The following EXOC6B variants were observed in gnomAD, a reference collection of about 807,000 sequenced individuals.
The protein encoded by EXOC6B is exocyst complex component 6B.
EXOC6B carries 54 observed loss-of-function variants against 113.5 expected under a neutral mutation model. The ratio of observed to expected loss-of-function variants is 0.48; its 90% CI spans 0.38 to 0.60. The LOEUF is 0.60. Among genes scored for constraint, EXOC6B ranks in the 20% least tolerant of loss-of-function variants. The pLI is 0.00. For synonymous variants in EXOC6B, 357 were observed against 339.0 expected (o/e 1.05, Z -0.58); for missense variants, 797 against 977.5 (o/e 0.82, Z 2.46).
intron 20 of EXOC6B, among the ~76,000 whole-genome samples, chr2:72,271,672 C>T (rs1684492765): frequency 6.6e-6 from 1 of 152,112 alleles, no homozygotes; most frequent in Non-Finnish European, 1.5e-5. Flanking sequence ...CTGTTTACCT[C>T]TAGAGAAAAA....
At chr2:72,778,695 C>A (rs1435050807) in intron 1 of EXOC6B, among the ~76,000 whole-genome samples, 4 of 152,088 alleles carry the variant, frequency 2.6e-5, no homozygotes, top group Non-Finnish European at 5.9e-5. Flanking sequence ...GACTACAAAT[C>A]ATGACTAAGA....
chr2:72,706,688 T>C (rs1173008340), intron 6 of EXOC6B, among the ~76,000 whole-genome samples: 1 of 152,206 alleles, frequency 6.6e-6, no homozygotes, highest in Non-Finnish European at 1.5e-5. Context: ...TATCATTACA[T>C]TACTTTTAGC....
intron 8 of EXOC6B, among the ~76,000 whole-genome samples, chr2:72,543,471 C>A (rs934084112): frequency 6.6e-6 from 1 of 150,428 alleles, no homozygotes; most frequent in Admixed American, 6.6e-5. Flanking sequence ...AGAAGTTTAA[C>A]CTTCCCAAAG....
At position 72,433,709 on chromosome 2, in the gene EXOC6B, T is replaced by A. The variant is rs1054694621; in HGVS notation, c.1980+31451A>T. ...CACTCATGATGTGGCTCTCTGTTTGTCTATTATTGGTGTATAGGAATGCTT... is the reference window on the plus strand; with the variant it reads ...CACTCATGATGTGGCTCTCTGTTTGACTATTATTGGTGTATAGGAATGCTT... On this transcript the variant is annotated intron_variant, in intron 18 of 21. Transcript: ENST00000272427. Among the ~76,000 whole-genome samples, 3 of 152,208 alleles carry A rather than the reference T, an allele frequency of 2.0e-5. No homozygotes were observed. In the East Asian group the frequency reaches 5.8e-4, roughly 29 times the overall value.
intron 18 of EXOC6B, among the ~76,000 whole-genome samples, chr2:72,438,333 G>A (rs1696000607): frequency 6.6e-6 from 1 of 152,010 alleles, no homozygotes; most frequent in South Asian, 2.1e-4. Context: ...AAAGTTGGCT[G>A]GGCATAGTGG....
intron 20 of EXOC6B, among the ~76,000 whole-genome samples, chr2:72,299,182 T>C (rs184933747): frequency 3.0e-4 from 45 of 151,888 alleles, no homozygotes; most frequent in African/African-American, 9.6e-4. Context: ...TTTGTTCATT[T>C]CTTTTCACTA....
At chr2:72,260,342 T>A (rs1253323148) in intron 20 of EXOC6B, among the ~76,000 whole-genome samples, 1 of 152,136 alleles carries the variant, frequency 6.6e-6, no homozygotes, top group African/African-American at 2.4e-5. Flanking sequence ...AGAAAATACG[T>A]AACCTACTTC....
intron 1 of EXOC6B, among the ~76,000 whole-genome samples, chr2:72,756,078 C>T (rs941666224): frequency 7.0e-4 from 107 of 151,942 alleles, no homozygotes; most frequent in African/African-American, 2.4e-3. Context: ...TTAAGGGGGA[C>T]GTTTTTAACT....
At chr2:72,661,984 T>C (rs1057108453) in intron 6 of EXOC6B, among the ~76,000 whole-genome samples, 8 of 150,518 alleles carry the variant, frequency 5.3e-5, no homozygotes, top group Admixed American at 2.0e-4. Context: ...TTATTAATTA[T>C]ATGGTGTTGG....
chr2:72,771,799 A>T (rs1683417199), intron 1 of EXOC6B, among the ~76,000 whole-genome samples: 3 of 152,188 alleles, frequency 2.0e-5, no homozygotes. Flanking sequence ...ACATGGTGAG[A>T]CCATATCTCT....
chr2:72,351,348 C>T (rs1332656370), intron 19 of EXOC6B, among the ~76,000 whole-genome samples: 3 of 152,184 alleles, frequency 2.0e-5, no homozygotes, highest in African/African-American at 7.2e-5. Flanking sequence ...ACAATAGCGA[C>T]GTAAGAAAAA....
intron 20 of EXOC6B, among the ~76,000 whole-genome samples, chr2:72,192,735 A>T (rs13339845): frequency 3.3e-5 from 5 of 152,088 alleles, no homozygotes; most frequent in African/African-American, 1.2e-4. Context: ...CTTTACATGC[A>T]TGTTTTCGCT....
chr2:72,341,386 G>A (rs529257593), intron 19 of EXOC6B, among the ~76,000 whole-genome samples: 13 of 152,148 alleles, frequency 8.5e-5, no homozygotes, highest in Non-Finnish European at 1.8e-4. Context: ...CAATAGACTC[G>A]TGTTAGCCTT....
At chr2:72,781,149 T>G (rs1684012448) in intron 1 of EXOC6B, among the ~76,000 whole-genome samples, 2 of 152,278 alleles carry the variant, frequency 1.3e-5, no homozygotes, top group Middle Eastern at 3.4e-3. Flanking sequence ...AAATCTAAAT[T>G]TCTGAGCTCA....
chr2:72,344,923 G>T lies in EXOC6B; in HGVS notation c.2123-9903C>A, dbSNP rs545054269. ...AATCCTGGGAAAACAAAAAAGAATG[G>T]TCGCCCATCTCCATCTGAACCTCTG... On this transcript the variant is annotated intron_variant, in intron 19 of 21. Transcript: ENST00000272427. Among the ~76,000 whole-genome samples the T allele has an allele frequency of 1.1e-4, 16 of 152,052 alleles. No homozygotes were observed. The East Asian group carries it at 3.1e-3, about 30-fold the overall frequency.
At position 72,495,513 on chromosome 2, in the gene EXOC6B, G is replaced by T. The variant is rs1329645310; in HGVS notation, c.1470C>A (p.Phe490Leu). ...TGTAAACTTTTGGCACAAATTCAGA[G>T]AAAGGAAACTTTTTTGGAAATGGTT... Reference protein sequence around the residue: ...EKQPFPKKFPFSEFVPKVYNQ... With the variant: ...EKQPFPKKFPLSEFVPKVYNQ... The change falls in exon 15 of 22, where the codon TTC (phenylalanine) becomes TTA (leucine). Residue 490 changes from phenylalanine (F) to leucine (L), a missense_variant. Transcript: ENST00000272427. The T allele has an allele frequency of 6.2e-7, 1 of 1,607,372 alleles. No homozygotes were observed. Among genetic ancestry groups the T allele is most frequent in the South Asian group, 1.1e-5 (1 of 89,926 alleles).
At chr2:72,500,174 A>G (rs1573266008) in intron 11 of EXOC6B, among the ~76,000 whole-genome samples, 1 of 152,226 alleles carries the variant, frequency 6.6e-6, no homozygotes, top group African/African-American at 2.4e-5. Context: ...AAGTTCAATA[A>G]CCATGATCTA....
intron 5 of EXOC6B, among the ~76,000 whole-genome samples, chr2:72,720,165 CA>C (rs960070683): frequency 1.3e-5 from 2 of 151,510 alleles, no homozygotes; most frequent in African/African-American, 4.9e-5. Context: ...TGAAAATCAA[CA>C]AAAGAATTCA....
intron 6 of EXOC6B, among the ~76,000 whole-genome samples, chr2:72,685,312 T>C (rs760061136): frequency 2.5e-4 from 38 of 152,208 alleles, no homozygotes; most frequent in Admixed American, 4.6e-4. Flanking sequence ...TCTCCAGATA[T>C]AGTCTCATTT....
Sources: gnomAD v4.1 joint callset for allele counts (sites outside exome capture counted in the v4.1 genomes callset) on GRCh38, gnomAD v4.1.1 for gene constraint, MANE v1.5 for transcripts, NCBI Gene and HGNC (gene_info 2026-07-23, HGNC 2026-07-21) for gene names.